Variants in GABRG3 observed in about 807,000 individuals in gnomAD.
GABRG3 encodes the protein gamma-aminobutyric acid type A receptor subunit gamma3.
In GABRG3, 25 loss-of-function variants were observed where a neutral mutation model predicts 48.8. That is an observed-to-expected ratio of 0.51 (90% CI 0.37 to 0.72). The LOEUF (loss-of-function observed/expected upper bound fraction) is 0.72. GABRG3 is among the 30% of genes least tolerant of loss of function. The pLI is 0.00. For synonymous variants in GABRG3, 227 were observed against 217.6 expected, an observed-to-expected ratio of 1.04 and a Z score of -0.38; for missense variants, 394 against 577.9, an observed-to-expected ratio of 0.68 and a Z score of 3.26.
At chr15:27,272,008 C>T (rs942746088) in intron 3 of GABRG3, among the ~76,000 whole-genome samples, 4 of 152,174 alleles carry the variant, frequency 2.6e-5, no homozygotes, top group African/African-American at 7.2e-5. Context: ...TCTCAGGCCC[C>T]GCCTGGTGCA....
At chr15:27,369,772 A>C (rs185707023) in intron 5 of GABRG3, among the ~76,000 whole-genome samples, 2,270 of 138,842 alleles carry the variant, frequency 0.016, 72 homozygotes, top group Admixed American at 0.074. Context: ...GCACCACTGC[A>C]CTCCAGCCTG....
chr15:27,158,393 G>C (rs529639660), intron 3 of GABRG3: 1 of 152,206 alleles, frequency 6.6e-6, no homozygotes, highest in African/African-American at 2.4e-5. Context: ...TACTGATCCT[G>C]TACCTAAGAG....
At chr15:27,469,953 A>C (rs1473378617) in intron 5 of GABRG3, among the ~76,000 whole-genome samples, 1 of 152,212 alleles carries the variant, frequency 6.6e-6, no homozygotes, top group Non-Finnish European at 1.5e-5. Context: ...AGTGGGTAAC[A>C]GCCTTGGCCT....
chr15:26,990,966 G>A (rs577112325), intron 2 of GABRG3, among the ~76,000 whole-genome samples: 2 of 151,940 alleles, frequency 1.3e-5, no homozygotes, highest in East Asian at 3.9e-4. Context: ...CACCAGACCT[G>A]GCTAACTTTT....
At position 27,085,750 on chromosome 15, in the gene GABRG3, A is replaced by C. The variant is rs990855816; in HGVS notation, c.270+58929A>C. 4.6e-5 allele frequency among the ~76,000 whole-genome samples: 7 copies of C among 152,342 alleles called. No individual in the cohort carries two copies. In the East Asian group the frequency reaches 1.3e-3, roughly 29 times the overall value. The stretch of plus-strand genomic sequence containing the variant: ...GCATTGGAGGGAGGTAGCAAGCTTC[A>C]GTTAATTTGAAAATATCAAAATGCT... On this transcript the variant is annotated intron_variant, in intron 3 of 9. Coordinates refer to ENST00000615808, the MANE Select transcript of GABRG3 (RefSeq NM_033223.5).
intron 2 of GABRG3, among the ~76,000 whole-genome samples, chr15:27,011,709 G>A (rs554747900): frequency 1.3e-5 from 2 of 152,164 alleles, no homozygotes; most frequent in Admixed American, 1.3e-4. Context: ...TTAGCCGGGT[G>A]TGGTGGTGGG....
intron 3 of GABRG3, among the ~76,000 whole-genome samples, chr15:27,238,737 C>G (rs1419789950): frequency 6.6e-6 from 1 of 152,170 alleles, no homozygotes; most frequent in Admixed American, 6.5e-5. Flanking sequence ...TCGAACTTTT[C>G]AGTCACTTAA....
intron 3 of GABRG3, among the ~76,000 whole-genome samples, chr15:27,216,784 T>TAAA (rs1889271979): frequency 7.0e-6 from 1 of 142,290 alleles, no homozygotes; most frequent in Non-Finnish European, 1.5e-5. Context: ...TTTAATTTTT[T>TAAA]TTTTTATTAT....
At chr15:27,073,368 C>A (rs1896858786) in intron 3 of GABRG3, among the ~76,000 whole-genome samples, 1 of 152,216 alleles carries the variant, frequency 6.6e-6, no homozygotes, top group South Asian at 2.1e-4. Flanking sequence ...CAGCATGCCT[C>A]AGGGGTGCCA....
intron 3 of GABRG3, among the ~76,000 whole-genome samples, chr15:27,030,694 G>GAT (rs1341176333): frequency 6.0e-5 from 5 of 83,670 alleles, no homozygotes; most frequent in Admixed American, 3.7e-4. Flanking sequence ...CCAATGTTCT[G>GAT]ACACTCTGTG....
At chr15:27,524,617 T>C (rs925859365) in intron 7 of GABRG3, among the ~76,000 whole-genome samples, 1 of 152,066 alleles carries the variant, frequency 6.6e-6, no homozygotes, top group Admixed American at 6.5e-5. Flanking sequence ...GGAAATAAAG[T>C]TTCTACATTT....
At chr15:27,290,425 G>C (rs906923911) in intron 3 of GABRG3, among the ~76,000 whole-genome samples, 7 of 152,038 alleles carry the variant, frequency 4.6e-5, no homozygotes, top group African/African-American at 1.4e-4. Flanking sequence ...GCAAGAAAGT[G>C]ACTTTACAGT....
rs528362884 is a variant in GABRG3 at position 27,309,055 on chromosome 15, AAC to A, written c.271-17750_271-17749del. On this transcript the variant is annotated intron_variant, in intron 3 of 9. Coordinates refer to ENST00000615808, the MANE Select transcript of GABRG3 (RefSeq NM_033223.5). Reference sequence around the variant, plus strand: ...TAATGTAAACATATGTTTATATAGAAACACATATAATGTAAACATGTTTATAT... The same window carrying A: ...TAATGTAAACATATGTTTATATAGAAACATATAATGTAAACATGTTTATAT... Among the ~76,000 whole-genome samples the A allele has an allele frequency of 1.5e-4, 22 of 150,978 alleles. No homozygotes were observed. In the East Asian group the frequency reaches 1.8e-3, roughly 12 times the overall value.
chr15:27,088,807 C>T (rs902601622), intron 3 of GABRG3, among the ~76,000 whole-genome samples: 3 of 152,030 alleles, frequency 2.0e-5, no homozygotes, highest in African/African-American at 7.2e-5. Flanking sequence ...TGGGTGGGGA[C>T]GCAGAGCCAA....
At chr15:27,111,311 C>G (rs1482197865) in intron 3 of GABRG3, among the ~76,000 whole-genome samples, 1 of 152,132 alleles carries the variant, frequency 6.6e-6, no homozygotes, top group Non-Finnish European at 1.5e-5. Context: ...CCCTGAGAGT[C>G]CTTAGCATAA....
intron 2 of GABRG3, among the ~76,000 whole-genome samples, chr15:27,001,062 G>C (rs1209820992): frequency 6.6e-6 from 1 of 152,192 alleles, no homozygotes; most frequent in Non-Finnish European, 1.5e-5. Flanking sequence ...AGGTCTCCAT[G>C]TCACGAGCCA....
chr15:27,515,628 A>G (rs1395647762), intron 6 of GABRG3, among the ~76,000 whole-genome samples: 2 of 152,174 alleles, frequency 1.3e-5, no homozygotes, highest in African/African-American at 4.8e-5. Flanking sequence ...GATGGCCATG[A>G]GAAAGAGAGG....
chr15:27,301,858 A>G (rs117363725), intron 3 of GABRG3, among the ~76,000 whole-genome samples: 1,637 of 152,186 alleles, frequency 0.011, 12 homozygotes, highest in Non-Finnish European at 0.017. Flanking sequence ...ACAGTGATTC[A>G]ATAATGGTGG....
chr15:27,164,613 T>C (rs1473679675), intron 3 of GABRG3, among the ~76,000 whole-genome samples: 1 of 152,218 alleles, frequency 6.6e-6, no homozygotes, highest in Non-Finnish European at 1.5e-5. Context: ...CCTATTCAAT[T>C]TGATGTATTT....
Sources: allele counts gnomAD v4.1 joint callset (sites outside exome capture counted in the v4.1 genomes callset), GRCh38; gene constraint gnomAD v4.1.1; transcripts MANE v1.5; gene names NCBI Gene and HGNC (gene_info 2026-07-23, HGNC 2026-07-21).